The following PSG7 variants were observed in gnomAD, a reference collection of about 807,000 sequenced individuals.
PSG7 encodes the protein pregnancy specific beta-1-glycoprotein 7.
PSG7 carries 57 observed loss-of-function variants against 45.6 expected under a neutral mutation model. The observed-to-expected ratio is 1.25, with a 90% CI of 1.01 to 1.56. The LOEUF (loss-of-function observed/expected upper bound fraction) is 1.56, where lower values mean the gene tolerates loss of function less well. Ranked by LOEUF, PSG7 falls within the 40% of genes most tolerant of loss-of-function variation. The pLI is 0.00. For missense variants in PSG7, 796 were observed against 508.4 expected (o/e 1.57, Z -5.44); for synonymous variants, 298 against 194.4 (o/e 1.53, Z -4.43).
intron 2 of PSG7, among the ~76,000 whole-genome samples, chr19:42,934,939 C>T (rs1230539446): frequency 2.0e-5 from 3 of 151,618 alleles, no homozygotes; most frequent in African/African-American, 7.3e-5. Flanking sequence ...GTAAGCCCTG[C>T]CCAAGAAACC....
In PSG7 at chr19:42,924,530, G is replaced by A; in HGVS notation, c.*278C>T. ...GCAAGGACAGCTAAGAGGGGTGAGA[G>A]CCTCATCATGATGGGGAGTCTTATT... On this transcript the variant is annotated 3_prime_UTR_variant, in exon 6 of 6. Transcript: ENST00000406070. 1.7e-6 allele frequency: 1 copy of A among 592,996 alleles called. No homozygotes were observed. The highest frequency in any genetic ancestry group is 2.7e-5 in the East Asian group (1 of 36,376). 36.7% of individuals were successfully genotyped at this position (592,996 alleles called of 1,614,324 possible). A position where few individuals can be genotyped will look rare whatever the true frequency, so the allele number is the denominator to read the frequency against.
chr19:42,929,813 A>G, intron 2 of PSG7, 93 bp from the exon 3 acceptor site: 1 of 1,497,346 alleles, frequency 6.7e-7, no homozygotes. Context: ...CCAACCTCTC[A>G]GCCCACCCAA....
rs1360121961 is a variant in PSG7, at chr19:42,936,129, G to C, written c.65-360C>G. The C allele has an allele frequency of 1.7e-5, 4 of 239,496 alleles. No individual in the cohort carries two copies. In the Admixed American group the frequency reaches 2.0e-4, roughly 12 times the overall value. The allele number at this position is 239,496 out of a possible 1,614,324, so 14.8% of individuals were successfully genotyped here. ...CAGGGCATCCTTAGACTTCTTTCCT[G>C]ACACCTCCTTCAGAGAACCTGGGTC... On this transcript the variant is annotated intron_variant, in intron 1 of 5. Transcript: ENST00000406070.
Position 42,924,346 on chromosome 19 carries a change from G to A in PSG7, c.*462C>T, listed in dbSNP as rs1337926982. 3 of 410,646 alleles carry A rather than the reference G, an allele frequency of 7.3e-6. No individual in the cohort carries two copies. The highest frequency in any genetic ancestry group is 2.0e-5 in the African/African-American group (1 of 49,230). The allele number at this position is 410,646 out of a possible 1,614,324, so 25.4% of individuals were successfully genotyped here. On this transcript the variant is annotated 3_prime_UTR_variant, in exon 6 of 6. Transcript: ENST00000406070. ...TTCATTTCTATTGGGAGCCCTGTAT[G>A]CAAGATGGAGAGAGCCACATTTCCT...
intron 2 of PSG7, among the ~76,000 whole-genome samples, chr19:42,935,051 C>G (rs1973114456): frequency 6.6e-6 from 1 of 151,584 alleles, no homozygotes; most frequent in African/African-American, 2.4e-5. Flanking sequence ...CTCTGAGGGT[C>G]TCAGGGGGCC....
chr19:42,936,014 A>C lies in PSG7; in HGVS notation c.65-245T>G, dbSNP rs901536346. On this transcript the variant is annotated intron_variant, in intron 1 of 5. Transcript: ENST00000406070. ...GCAGCATGACCCCCATTCCTTCAAC[A>C]CTCCTGACTTTGGCATTTTTCTGTT... is the stretch of plus-strand genomic sequence containing the variant. The C allele has an allele frequency of 1.7e-4, 119 of 701,412 alleles. No individual in the cohort carries two copies. The Middle Eastern group carries it at 3.6e-3, about 21-fold the overall frequency. The allele number at this position is 701,412 out of a possible 1,614,324, so 43.4% of individuals were successfully genotyped here.
intron 3 of PSG7, 92 bp from the exon 4 acceptor site, chr19:42,926,808 C>T (rs1864623911): frequency 6.4e-7 from 1 of 1,558,682 alleles, no homozygotes; most frequent in South Asian, 1.2e-5. Context: ...TCCCACCTGT[C>T]AACACGTGTG....
At chr19:42,927,735 G>A (rs1972927484) in intron 3 of PSG7, among the ~76,000 whole-genome samples, 3 of 151,568 alleles carry the variant, frequency 2.0e-5, no homozygotes, top group Admixed American at 2.0e-4. Flanking sequence ...GTGAATATGA[G>A]AAGAGACTGC....
At position 42,929,565 on chromosome 19, in the gene PSG7, A is replaced by T; in HGVS notation, c.586T>A (p.Ser196Thr). The change falls in exon 3 of 6, where the codon TCT (serine) becomes ACT (threonine). Residue 196 changes from serine to threonine, a missense_variant. Transcript: ENST00000406070. ...SLPMTHSLQL[S>T]ETNRTLYLFG... The stretch of plus-strand genomic sequence containing the variant: ...AGGTAGAGGGTCCTGTTGGTTTCAG[A>T]CAGCTGCAAGCTGTGAGTCATAGGG... 2 of 1,612,602 alleles carry T rather than the reference A, an allele frequency of 1.2e-6. No homozygotes were observed. The highest frequency in any genetic ancestry group is 1.7e-6 in the Non-Finnish European group (2 of 1,179,236).
chr19:42,925,890 C>T lies in PSG7; in HGVS notation c.1126G>A (p.Gly376Arg), dbSNP rs368995857. Residue 376 changes from glycine (G) to arginine (R), a missense_variant, in exon 5 of 6, where the codon GGA (glycine) becomes AGA (arginine). Transcript: ENST00000406070. ...WTINGKFQLSGQKLSIPQITT... is the reference protein window; with the variant it reads ...WTINGKFQLSRQKLSIPQITT... ...ATCTGGGGGATAGAAAGCTTTTGTC[C>T]TGATAGCTGAAACTTCCCATTAATT... The T allele has an allele frequency of 6.0e-5, 96 of 1,612,046 alleles. 3 individuals are homozygous for T. Among genetic ancestry groups the T allele is most frequent in the Non-Finnish European group, 7.6e-5 (90 of 1,179,166 alleles).
Position 42,925,950 on chromosome 19 carries a change from C to T in PSG7, c.1066G>A (p.Ala356Thr). 6.2e-7 allele frequency: 1 copy of T among 1,612,098 alleles called. No homozygotes were observed. The highest frequency in any genetic ancestry group is 8.5e-7 in the Non-Finnish European group (1 of 1,179,140). Residue 356 changes from alanine (A) to threonine (T), a missense_variant, in exon 5 of 6, where the codon GCG (alanine) becomes ACG (threonine). By Grantham distance (58) the Ala-to-Thr change is moderately conservative (BLOSUM62 0). Coordinates refer to ENST00000406070, the MANE Select transcript of PSG7 (RefSeq NM_002783.3). ...SGQNLYLSCF[A>T]DSNPPAQYSW... ...TACTGTGCCGGTGGGTTAGAGTCCG[C>T]AAAGCAGGACAAGTAGAGGTTTTGT...
chr19:42,931,874 A>C (rs531634686), intron 2 of PSG7, among the ~76,000 whole-genome samples: 24 of 148,492 alleles, frequency 1.6e-4, no homozygotes, highest in African/African-American at 5.5e-4. Flanking sequence ...TATGAAGTTG[A>C]AATGTTGTTC....
chr19:42,925,873 G>T lies in PSG7; in HGVS notation c.1143C>A (p.Ile381=). Residue 381 remains isoleucine, a synonymous_variant, in exon 5 of 6, where the codon ATC becomes ATA. Transcript: ENST00000406070. ...KFQLSGQKLS[I]PQITTKHSGL... The stretch of plus-strand genomic sequence containing the variant: ...CGCTATGCTTTGTAGTAATCTGGGG[G>T]ATAGAAAGCTTTTGTCCTGATAGCT... 2 of 1,612,070 alleles carry T rather than the reference G, an allele frequency of 1.2e-6. No homozygotes were observed. The highest frequency in any genetic ancestry group is 1.1e-5 in the South Asian group (1 of 90,616).
At chr19:42,928,350 T>C (rs114895052) in intron 3 of PSG7, among the ~76,000 whole-genome samples, 3 of 151,556 alleles carry the variant, frequency 2.0e-5, no homozygotes, top group African/African-American at 7.3e-5. Flanking sequence ...AGGGGTTGCA[T>C]TGAATCTGCA....
intron 2 of PSG7, among the ~76,000 whole-genome samples, chr19:42,935,164 C>T (rs543932546): frequency 6.6e-6 from 1 of 151,856 alleles, no homozygotes; most frequent in Admixed American, 6.6e-5. Context: ...CCTGCTGAGT[C>T]CCCCCATCAG....
chr19:42,934,761 G>A (rs2075397138), intron 2 of PSG7, among the ~76,000 whole-genome samples: 1 of 151,592 alleles, frequency 6.6e-6, no homozygotes, highest in South Asian at 2.1e-4. Flanking sequence ...GGCCTCCTAA[G>A]GCAGTTGGCT....
At chr19:42,928,047 G>T (rs976490000) in intron 3 of PSG7, among the ~76,000 whole-genome samples, 2 of 151,574 alleles carry the variant, frequency 1.3e-5, no homozygotes, top group Non-Finnish European at 2.9e-5. Context: ...GCATAAGTGG[G>T]AGGTGATAAG....
chr19:42,931,380 C>T (rs549760204), intron 2 of PSG7, among the ~76,000 whole-genome samples: 34 of 151,192 alleles, frequency 2.2e-4, no homozygotes, highest in Non-Finnish European at 3.8e-4. Context: ...GAGAGAGTCC[C>T]GTTAAAAGGA....
chr19:42,932,821 G>T (rs1365219362), intron 2 of PSG7, among the ~76,000 whole-genome samples: 5 of 151,548 alleles, frequency 3.3e-5, no homozygotes, highest in Non-Finnish European at 7.4e-5. Context: ...ACTGAATTCT[G>T]CTAAAATGTT....
Sources: gnomAD v4.1 joint callset for allele counts (sites outside exome capture counted in the v4.1 genomes callset) on GRCh38, gnomAD v4.1.1 for gene constraint, MANE v1.5 for transcripts, NCBI Gene and HGNC (gene_info 2026-07-23, HGNC 2026-07-21) for gene names.